Variants in CADM2 observed in about 807,000 individuals in gnomAD.
CADM2 encodes the protein immunoglobulin superfamily member 4D.
A neutral mutation model predicts 49.8 loss-of-function variants in CADM2; 12 were observed. The ratio of observed to expected loss-of-function variants is 0.24; its 90% CI spans 0.15 to 0.39. The LOEUF (loss-of-function observed/expected upper bound fraction) is 0.39. Ranked by LOEUF, CADM2 falls within the 10% of genes least tolerant of loss-of-function variation. The pLI, the probability that CADM2 is intolerant of heterozygous loss-of-function variation, is 1.00. For synonymous variants in CADM2, 214 were observed against 175.4 expected, an observed-to-expected ratio of 1.22 and a Z score of -1.74; for missense variants, 378 against 492.3, an observed-to-expected ratio of 0.77 and a Z score of 2.20.
intron 1 of CADM2, among the ~76,000 whole-genome samples, chr3:85,705,997 T>G (rs1208069746): frequency 6.6e-6 from 1 of 152,190 alleles, no homozygotes. Context: ...GACCTCAGAT[T>G]TATCTCTTAA....
chr3:85,595,084 C>T (rs2063204768), intron 1 of CADM2, among the ~76,000 whole-genome samples: 1 of 151,896 alleles, frequency 6.6e-6, no homozygotes, highest in Admixed American at 6.6e-5. Context: ...ATCTCCAAGC[C>T]CTTTTTGCGT....
intron 1 of CADM2, among the ~76,000 whole-genome samples, chr3:85,037,176 A>G (rs1313130852): frequency 6.6e-6 from 1 of 152,094 alleles, no homozygotes; most frequent in Non-Finnish European, 1.5e-5. Context: ...TCTCTAAAAA[A>G]AACAAACAAA....
chr3:85,660,718 T>A (rs1226515009), intron 1 of CADM2, among the ~76,000 whole-genome samples: 1 of 152,048 alleles, frequency 6.6e-6, no homozygotes, highest in Non-Finnish European at 1.5e-5. Flanking sequence ...AGAAATCGTT[T>A]AAGATCAGTC....
intron 1 of CADM2, among the ~76,000 whole-genome samples, chr3:85,015,620 G>A (rs190818144): frequency 5.9e-5 from 9 of 152,190 alleles, no homozygotes; most frequent in East Asian, 3.9e-4. Flanking sequence ...TGATTTTGTC[G>A]GGGAAAAACA....
intron 8 of CADM2, among the ~76,000 whole-genome samples, chr3:86,036,099 G>A (rs1735120593): frequency 6.6e-6 from 1 of 151,888 alleles, no homozygotes. Flanking sequence ...TGGATGTTAG[G>A]GATTCAATAT....
intron 1 of CADM2, among the ~76,000 whole-genome samples, chr3:85,253,240 A>T (rs1294498951): frequency 6.6e-6 from 1 of 152,128 alleles, no homozygotes; most frequent in Non-Finnish European, 1.5e-5. Flanking sequence ...GCATGATTGC[A>T]GAGGAAAATA....
intron 3 of CADM2, among the ~76,000 whole-genome samples, chr3:85,807,253 C>T (rs191028382): frequency 1.8e-3 from 279 of 152,260 alleles, no homozygotes; most frequent in African/African-American, 5.9e-3. Flanking sequence ...AATCCCAGCA[C>T]TTTGGGAGGC....
chr3:85,619,190 T>C (rs1164473064), intron 1 of CADM2, among the ~76,000 whole-genome samples: 1 of 152,122 alleles, frequency 6.6e-6, no homozygotes, highest in Non-Finnish European at 1.5e-5. Context: ...ACCATGCGGA[T>C]TGATAGTCAG....
chr3:85,977,191 C>T (rs1726898538), intron 8 of CADM2, among the ~76,000 whole-genome samples: 2 of 150,962 alleles, frequency 1.3e-5, no homozygotes, highest in Admixed American at 1.3e-4. Flanking sequence ...AAAAACAAAA[C>T]CAAAATCCTG....
intron 1 of CADM2, among the ~76,000 whole-genome samples, chr3:85,629,916 GTTGT>G: frequency 6.6e-6 from 1 of 151,998 alleles, no homozygotes; most frequent in Admixed American, 6.6e-5. Context: ...ACTTCATATG[GTTGT>G]TAAGAAATTT....
chr3:85,621,584 C>T (rs1354974461), intron 1 of CADM2, among the ~76,000 whole-genome samples: 1 of 152,106 alleles, frequency 6.6e-6, no homozygotes, highest in African/African-American at 2.4e-5. Flanking sequence ...GATTACTCTG[C>T]TCTGTTTTTT....
At chr3:85,275,892 C>A (rs1393726350) in intron 1 of CADM2, among the ~76,000 whole-genome samples, 5 of 150,824 alleles carry the variant, frequency 3.3e-5, no homozygotes, top group Non-Finnish European at 7.4e-5. Flanking sequence ...TTATAAAGAA[C>A]CTCAGGGTCA....
At chr3:85,773,677 T>G (rs572786578) in intron 2 of CADM2, among the ~76,000 whole-genome samples, 36 of 152,110 alleles carry the variant, frequency 2.4e-4, no homozygotes, top group Non-Finnish European at 4.1e-4. Flanking sequence ...TAGGATATCT[T>G]TCAGAGAAAG....
chr3:85,853,781 A>G (rs915253499), intron 3 of CADM2, among the ~76,000 whole-genome samples: 3 of 152,262 alleles, frequency 2.0e-5, no homozygotes, highest in Admixed American at 6.5e-5. Flanking sequence ...GGAAACTAAA[A>G]TAATATATAA....
Position 85,759,434 on chromosome 3 carries a change from A to T in CADM2, c.88+32886A>T, listed in dbSNP as rs574335586. Among the ~76,000 whole-genome samples, 54 of 152,204 alleles carry T rather than the reference A, an allele frequency of 3.5e-4. 2 individuals carry two copies. In the South Asian group the frequency reaches 9.9e-3, roughly 28 times the overall value. On this transcript the variant is annotated intron_variant, in intron 2 of 9. Transcript: ENST00000383699. ...AATGCAACACAAACACAATAAAATA[A>T]TGTATGATATTGCATAAGCAATAAA...
At chr3:85,876,638 A>G (rs1711884018) in intron 3 of CADM2, among the ~76,000 whole-genome samples, 1 of 152,192 alleles carries the variant, frequency 6.6e-6, no homozygotes. Context: ...ATTACTCACT[A>G]GAAACCAATC....
rs561382350 is a variant in CADM2 at position 84,988,019 on chromosome 3, C to A, written c.61+28351C>A. 3.3e-5 allele frequency among the ~76,000 whole-genome samples: 5 copies of A among 152,224 alleles called. No individual in the cohort carries two copies. In the East Asian group the frequency reaches 9.7e-4, roughly 29 times the overall value. On this transcript the variant is annotated intron_variant, in intron 1 of 9. Coordinates refer to ENST00000383699, the MANE Select transcript of CADM2 (RefSeq NM_001167675.2). ...GGAAGGTCCCGATTTGGAGCTGTGG[C>A]CACAGACATGGAGAAAACAAAACAA...
At chr3:85,867,233 AGTTT>A (rs886913326) in intron 3 of CADM2, among the ~76,000 whole-genome samples, 30 of 152,020 alleles carry the variant, frequency 2.0e-4, no homozygotes, top group African/African-American at 6.8e-4. Flanking sequence ...TTCTTTTATT[AGTTT>A]GAGATAGAAG....
At chr3:85,352,430 A>C (rs915944255) in intron 1 of CADM2, among the ~76,000 whole-genome samples, 2 of 152,136 alleles carry the variant, frequency 1.3e-5, no homozygotes, top group Non-Finnish European at 2.9e-5. Flanking sequence ...TTATCGGTGA[A>C]AAAAACCAGC....
Sources: gnomAD v4.1 joint callset for allele counts (sites outside exome capture counted in the v4.1 genomes callset) on GRCh38, gnomAD v4.1.1 for gene constraint, MANE v1.5 for transcripts, NCBI Gene and HGNC (gene_info 2026-07-23, HGNC 2026-07-21) for gene names.